Variants in ABLIM1 observed in about 807,000 individuals in gnomAD.
ABLIM1 encodes actin binding LIM protein 1.
A neutral mutation model predicts 107.0 loss-of-function variants in ABLIM1; 40 were observed. That is an observed-to-expected ratio of 0.37 (90% CI 0.29 to 0.49). The LOEUF is 0.49. Ranked by LOEUF, ABLIM1 falls within the 20% of genes least tolerant of loss-of-function variation. The probability of loss-of-function intolerance (pLI) is 0.97; values close to 1 mark genes in which losing one functional copy is unlikely to be tolerated. For synonymous variants in ABLIM1, 357 were observed against 357.3 expected, an observed-to-expected ratio of 1.00 and a Z score of 0.01; for missense variants, 857 against 1,008.5, an observed-to-expected ratio of 0.85 and a Z score of 2.04.
intron 13 of ABLIM1, among the ~76,000 whole-genome samples, chr10:114,452,854 T>C (rs1421743151): frequency 1.3e-5 from 2 of 152,252 alleles, no homozygotes; most frequent in Admixed American, 1.3e-4. Flanking sequence ...TCACGGGCTA[T>C]GGAGATGGCT....
chr10:114,595,652 C>T (rs2075344540), intron 2 of ABLIM1, among the ~76,000 whole-genome samples: 3 of 152,190 alleles, frequency 2.0e-5, no homozygotes, highest in Admixed American at 6.5e-5. Flanking sequence ...ATAAGAAATA[C>T]CATAAGCTTT....
chr10:114,441,143 GAAGA>G, intron 18 of ABLIM1, 66 bp from the exon 19 acceptor site: 1 of 1,470,532 alleles, frequency 6.8e-7, no homozygotes, highest in Non-Finnish European at 9.2e-7. Flanking sequence ...AGGTGAAAAG[GAAGA>G]AAGAGTTTAC....
rs1196362971 is a variant in ABLIM1 at position 114,434,357 on chromosome 10, C to G, written c.*1903G>C. 1 of 150,968 alleles carries G rather than the reference C, an allele frequency of 6.6e-6. No homozygotes were observed. Among genetic ancestry groups the G allele is most frequent in the African/African-American group, 2.5e-5 (1 of 40,784 alleles). The allele number at this position is 150,968 out of a possible 1,614,324, so 9.4% of individuals were successfully genotyped here. ...AGAGTAGTCCTCATTCAGTGCATAG[C>G]AATGGAAGGCTAGGACAATTTAGAT... On this transcript the variant is annotated 3_prime_UTR_variant, in exon 23 of 23. Coordinates refer to ENST00000533213, the MANE Select transcript of ABLIM1 (RefSeq NM_002313.7).
intron 14 of ABLIM1, among the ~76,000 whole-genome samples, chr10:114,448,317 A>T (rs1210382664): frequency 6.6e-6 from 1 of 152,192 alleles, no homozygotes; most frequent in Non-Finnish European, 1.5e-5. Context: ...AAAAAAAATT[A>T]ATACAATTAA....
chr10:114,791,265 T>C, the ABLIM1 span, among the ~76,000 whole-genome samples: 1 of 152,064 alleles, frequency 6.6e-6, no homozygotes, highest in African/African-American at 2.4e-5. Flanking sequence ...AACAAAAAAT[T>C]GTTTGTAGAG....
chr10:114,731,235 G>A (rs1036991360), intron 1 of ABLIM1, among the ~76,000 whole-genome samples: 1 of 151,478 alleles, frequency 6.6e-6, no homozygotes, highest in Admixed American at 6.6e-5. Context: ...CCGCCTCCCG[G>A]GTTCAAGCAA....
intron 2 of ABLIM1, among the ~76,000 whole-genome samples, chr10:114,597,893 G>A (rs2075587638): frequency 6.6e-6 from 1 of 152,190 alleles, no homozygotes; most frequent in South Asian, 2.1e-4. Flanking sequence ...GGGAACCACA[G>A]GAATGCACAC....
At chr10:114,567,922 G>A (rs2071002590) in intron 4 of ABLIM1, among the ~76,000 whole-genome samples, 1 of 152,128 alleles carries the variant, frequency 6.6e-6, no homozygotes, top group Non-Finnish European at 1.5e-5. Flanking sequence ...CGGGCGCGGT[G>A]GCTCACGCCT....
At chr10:114,742,668 C>T (rs1012614968) in intron 1 of ABLIM1, among the ~76,000 whole-genome samples, 4 of 152,168 alleles carry the variant, frequency 2.6e-5, no homozygotes, top group Non-Finnish European at 4.4e-5. Context: ...GTGGCTCATG[C>T]TTGTAATCCC....
chr10:114,517,301 A>AAACT (rs1405825542), intron 6 of ABLIM1, among the ~76,000 whole-genome samples: 2 of 152,154 alleles, frequency 1.3e-5, no homozygotes, highest in Non-Finnish European at 2.9e-5. Flanking sequence ...CAAGACAAGG[A>AAACT]AACTGACCAA....
At chr10:114,767,664 C>T (rs1199022790) in intron 1 of ABLIM1, among the ~76,000 whole-genome samples, 1 of 151,806 alleles carries the variant, frequency 6.6e-6, no homozygotes, top group East Asian at 1.9e-4. Context: ...AATCGTGCTG[C>T]CTCAAGCCCT....
intron 1 of ABLIM1, among the ~76,000 whole-genome samples, chr10:114,740,096 G>A (rs567016205): frequency 2.0e-4 from 31 of 152,132 alleles, no homozygotes; most frequent in Admixed American, 1.0e-3. Context: ...AAGAATGTTC[G>A]CCAGAAGTAT....
At chr10:114,569,775 A>G (rs2071374452) in intron 4 of ABLIM1, among the ~76,000 whole-genome samples, 1 of 152,012 alleles carries the variant, frequency 6.6e-6, no homozygotes, top group Non-Finnish European at 1.5e-5. Context: ...AGGAGTTGAA[A>G]CCCTACTAGG....
Position 114,491,856 on chromosome 10 carries a change from G to C in ABLIM1, c.917C>G (p.Pro306Arg). The C allele has an allele frequency of 1.2e-6, 2 of 1,609,486 alleles. No individual in the cohort carries two copies. The highest frequency in any genetic ancestry group is 4.5e-5 in the East Asian group (2 of 44,790). Residue 306 changes from proline (P) to arginine (R), a missense_variant, in exon 7 of 23, where the codon CCC becomes CGC. Physicochemically the swap from Pro to Arg is moderately radical, Grantham distance 103. Coordinates refer to ENST00000533213, the MANE Select transcript of ABLIM1 (RefSeq NM_002313.7). ...GCATCTGCTGCATCGTGCACAGCTG[G>C]GGTGGTAATGTTTGTCACCTGCCTG... is the stretch of plus-strand genomic sequence containing the variant. ...VLEAGDKHYH[P>R]SCARCSRCNQ...
intron 1 of ABLIM1, among the ~76,000 whole-genome samples, chr10:114,622,871 T>C (rs140663606): frequency 3.9e-4 from 60 of 152,280 alleles, no homozygotes; most frequent in African/African-American, 1.3e-3. Context: ...AATGAAACAC[T>C]CCAAGCCTAA....
intron 10 of ABLIM1, among the ~76,000 whole-genome samples, chr10:114,470,760 G>T (rs71484943): frequency 0.17 from 26,490 of 152,152 alleles, 2,517 homozygotes; most frequent in Middle Eastern, 0.27. Context: ...AGGTATTCTT[G>T]TTCTCTATCT....
chr10:114,787,570 G>A, the ABLIM1 span, among the ~76,000 whole-genome samples: 3 of 148,132 alleles, frequency 2.0e-5, no homozygotes, highest in Non-Finnish European at 4.5e-5. Flanking sequence ...ACCCCGTCCG[G>A]GAGGGAGGTG....
At chr10:114,451,580 T>A in intron 14 of ABLIM1, 44 bp downstream of exon 14, 9 of 1,563,156 alleles carry the variant, frequency 5.8e-6, no homozygotes, top group Non-Finnish European at 7.1e-6. Flanking sequence ...GAAGTTCAGC[T>A]GACTTTGCTA....
intron 6 of ABLIM1, among the ~76,000 whole-genome samples, chr10:114,538,813 G>C: frequency 6.6e-6 from 1 of 152,208 alleles, no homozygotes; most frequent in East Asian, 1.9e-4. Context: ...CCTTTGTCCT[G>C]AGTGAACCAG....
Sources: gnomAD v4.1 joint callset for allele counts (sites outside exome capture counted in the v4.1 genomes callset) on GRCh38, gnomAD v4.1.1 for gene constraint, MANE v1.5 for transcripts, NCBI Gene and HGNC (gene_info 2026-07-23, HGNC 2026-07-21) for gene names.